MEDAG: variants seen among roughly 807,000 people sequenced by gnomAD.
MEDAG encodes the protein mesenteric estrogen-dependent adipogenesis protein.
In MEDAG, 25 loss-of-function variants were observed where a neutral mutation model predicts 29.9. The observed-to-expected ratio is 0.84, with a 90% CI of 0.61 to 1.17. MEDAG has a LOEUF of 1.17. Ranked by LOEUF, MEDAG falls within the 50% of genes most tolerant of loss-of-function variation. The pLI, the probability that MEDAG is intolerant of heterozygous loss-of-function variation, is 0.00. For synonymous variants in MEDAG, 158 were observed against 148.2 expected (o/e 1.07, Z -0.48); for missense variants, 398 against 372.9 (o/e 1.07, Z -0.56).
chr13:30,913,709 T>C (rs572551247), intron 1 of MEDAG, among the ~76,000 whole-genome samples: 1 of 152,314 alleles, frequency 6.6e-6, no homozygotes, highest in Non-Finnish European at 1.5e-5. Flanking sequence ...AAATATTCAA[T>C]ATGTAGAAGC....
chr13:30,909,502 C>G (rs1438528180), intron 1 of MEDAG, among the ~76,000 whole-genome samples: 1 of 152,056 alleles, frequency 6.6e-6, no homozygotes, highest in African/African-American at 2.4e-5. Flanking sequence ...GGCCAGGGAT[C>G]CCAAAAGGCA....
intron 4 of MEDAG, among the ~76,000 whole-genome samples, chr13:30,923,392 A>C (rs376154644): frequency 1.4e-5 from 2 of 142,638 alleles, no homozygotes; most frequent in Non-Finnish European, 1.5e-5. Flanking sequence ...CTCTTTCTCC[A>C]TCTCTGTCTT....
chr13:30,908,287 CA>C (rs1215258589), intron 1 of MEDAG, among the ~76,000 whole-genome samples: 3 of 152,244 alleles, frequency 2.0e-5, no homozygotes, highest in African/African-American at 7.2e-5. Context: ...CCAGGTAACA[CA>C]GACCAGGGTG....
At chr13:30,922,254 C>CTT (rs758501789) in intron 4 of MEDAG, 7 of 132,604 alleles carry the variant, frequency 5.3e-5, no homozygotes, top group East Asian at 2.2e-4. Context: ...AGATATCAGT[C>CTT]TTTTTTTTTT....
At chr13:30,906,896 C>T (rs568695967) in intron 1 of MEDAG, 103 bp downstream of exon 1, 2 of 1,177,912 alleles carry the variant, frequency 1.7e-6, no homozygotes, top group East Asian at 3.0e-5. Flanking sequence ...CTGCCTGCGA[C>T]ACCGCGTGGC....
intron 1 of MEDAG, among the ~76,000 whole-genome samples, chr13:30,914,880 T>G (rs910348813): frequency 3.9e-5 from 6 of 152,202 alleles, no homozygotes; most frequent in African/African-American, 1.4e-4. Flanking sequence ...ACAAATGCCA[T>G]GCGCTTTCCA....
chr13:30,913,872 T>A (rs753238480), intron 1 of MEDAG, among the ~76,000 whole-genome samples: 2 of 152,060 alleles, frequency 1.3e-5, no homozygotes, highest in Non-Finnish European at 2.9e-5. Context: ...GAAACCCTTG[T>A]CTCTACTAAA....
Position 30,924,466 on chromosome 13 carries a change from C to A in MEDAG, c.*31C>A. ...CTGAACATTGTAGCAGTTGCTCCCG[C>A]ACTCCAGGCCTGTGCTAGACTATAG... On this transcript the variant is annotated 3_prime_UTR_variant, in exon 5 of 5. Coordinates refer to ENST00000380482, the MANE Select transcript of MEDAG (RefSeq NM_032849.4). 6.2e-7 allele frequency: 1 copy of A among 1,609,538 alleles called. No individual in the cohort carries two copies. The highest frequency in any genetic ancestry group is 8.5e-7 in the Non-Finnish European group (1 of 1,177,542).
chr13:30,918,837 C>T (rs1298491120), intron 2 of MEDAG, among the ~76,000 whole-genome samples: 2 of 152,098 alleles, frequency 1.3e-5, no homozygotes, highest in Non-Finnish European at 2.9e-5. Flanking sequence ...AACAGAATGC[C>T]CAGTAACAAG....
chr13:30,915,896 A>G (rs374429353), intron 1 of MEDAG: 1 of 152,520 alleles, frequency 6.6e-6, no homozygotes, highest in Admixed American at 6.5e-5. Context: ...GTGAGCATCA[A>G]CATCCACACC....
intron 2 of MEDAG, among the ~76,000 whole-genome samples, chr13:30,917,728 C>T (rs1385441026): frequency 1.3e-5 from 2 of 151,960 alleles, no homozygotes; most frequent in South Asian, 2.1e-4. Context: ...GGAAGCGGGG[C>T]GGTGCTACAC....
chr13:30,924,048 G>A (rs1304393295), intron 4 of MEDAG, among the ~76,000 whole-genome samples: 1 of 152,148 alleles, frequency 6.6e-6, no homozygotes, highest in African/African-American at 2.4e-5. Context: ...TTCCCAAAAT[G>A]TAAGCCTTTT....
At chr13:30,918,550 A>G (rs1952952037) in intron 2 of MEDAG, among the ~76,000 whole-genome samples, 1 of 152,168 alleles carries the variant, frequency 6.6e-6, no homozygotes, top group Non-Finnish European at 1.5e-5. Flanking sequence ...ACTATATTAA[A>G]CCAAATTTCA....
intron 1 of MEDAG, chr13:30,916,658 A>C (rs1231067310): frequency 6.6e-6 from 1 of 152,254 alleles, no homozygotes; most frequent in Non-Finnish European, 1.5e-5. Flanking sequence ...GCTAATCTGC[A>C]CTTGGACCTT....
At chr13:30,921,169 A>G (rs1952981725) in intron 3 of MEDAG, 43 bp downstream of exon 3, 1 of 1,522,904 alleles carries the variant, frequency 6.6e-7, no homozygotes, top group Non-Finnish European at 9.1e-7. Context: ...AACCACATGG[A>G]AGGAGCTTGT....
chr13:30,912,910 G>A (rs1438187834), intron 1 of MEDAG, among the ~76,000 whole-genome samples: 1 of 152,232 alleles, frequency 6.6e-6, no homozygotes, highest in African/African-American at 2.4e-5. Context: ...GGTTTGCCAA[G>A]TTGGCCAGGA....
chr13:30,923,502 T>C (rs886825160), intron 4 of MEDAG, among the ~76,000 whole-genome samples: 7 of 152,188 alleles, frequency 4.6e-5, no homozygotes, highest in African/African-American at 1.7e-4. Flanking sequence ...GTTCATCTCT[T>C]CCCATGTTGT....
At chr13:30,912,506 AAC>A (rs67281071) in intron 1 of MEDAG, among the ~76,000 whole-genome samples, 30 of 150,526 alleles carry the variant, frequency 2.0e-4, no homozygotes, top group Non-Finnish European at 2.4e-4. Context: ...TTTTTTAATG[AAC>A]ACACACACAC....
In MEDAG at chr13:30,915,200, C is replaced by T. The variant is rs1043747824; in HGVS notation, c.279-2203C>T. Among the ~76,000 whole-genome samples the T allele has an allele frequency of 4.6e-5, 7 of 152,282 alleles. No homozygotes were observed. The East Asian group carries it at 1.3e-3, about 29-fold the overall frequency. On this transcript the variant is annotated intron_variant, in intron 1 of 4. Coordinates refer to ENST00000380482, the MANE Select transcript of MEDAG (RefSeq NM_032849.4). ...AACAACATACTTCACCTTCTCTTCA[C>T]CCCCTTCCCAAGCCACTCTTACCTG...
Sources: gnomAD v4.1 joint callset for allele counts (sites outside exome capture counted in the v4.1 genomes callset) on GRCh38, gnomAD v4.1.1 for gene constraint, MANE v1.5 for transcripts, NCBI Gene and HGNC (gene_info 2026-07-23, HGNC 2026-07-21) for gene names.